JPH1: variants seen among roughly 807,000 people sequenced by gnomAD.
The protein encoded by JPH1 is junctophilin-1.
JPH1 carries 12 observed loss-of-function variants against 53.6 expected under a neutral mutation model. The observed-to-expected ratio is 0.22, with a 90% CI of 0.14 to 0.36. The LOEUF is 0.36. Among genes scored for constraint, JPH1 ranks in the 10% least tolerant of loss-of-function variants. JPH1 has a pLI of 1.00. For synonymous variants in JPH1, 375 were observed against 363.8 expected (o/e 1.03, Z -0.35); for missense variants, 808 against 905.5 (o/e 0.89, Z 1.38).
At chr8:74,308,820 G>A (rs538042511) in intron 2 of JPH1, among the ~76,000 whole-genome samples, 4 of 152,332 alleles carry the variant, frequency 2.6e-5, no homozygotes, top group African/African-American at 7.2e-5. Flanking sequence ...CAGCCAGAGG[G>A]AGCAGGGACA....
At chr8:74,284,919 G>A (rs2131423973) in intron 2 of JPH1, among the ~76,000 whole-genome samples, 1 of 151,820 alleles carries the variant, frequency 6.6e-6, no homozygotes, top group Non-Finnish European at 1.5e-5. Context: ...CTGCCTCACG[G>A]GTTCAAGTGA....
chr8:74,268,139 G>A (rs1015560015), intron 2 of JPH1, among the ~76,000 whole-genome samples: 2 of 152,056 alleles, frequency 1.3e-5, no homozygotes, highest in African/African-American at 4.8e-5. Context: ...GGATTTATAT[G>A]AAGTACTTAG....
rs1490274908 is a variant in JPH1 at position 74,320,946 on chromosome 8, C to A, written c.342G>T (p.Leu114=). 1 of 1,599,430 alleles carries A rather than the reference C, an allele frequency of 6.3e-7. No homozygotes were observed. The highest frequency in any genetic ancestry group is 2.3e-5 in the East Asian group (1 of 43,970). ...ARYEGTWSNG[L]QDGYGVETYG... ...AGGTCTCCACGCCGTACCCGTCTTG[C>A]AGCCCGTTACTCCAGGTACCCTCGT... Residue 114 remains leucine (L), a synonymous_variant, in exon 1 of 6, where the codon CTG becomes CTT. Coordinates refer to ENST00000342232, the MANE Select transcript of JPH1 (RefSeq NM_020647.4). This position sits in a 1 kb window ranked among gnomAD's most constrained non-coding sequence, Gnocchi z 4.4.
intron 2 of JPH1, among the ~76,000 whole-genome samples, chr8:74,309,678 G>T (rs1201665468): frequency 6.6e-6 from 1 of 152,180 alleles, no homozygotes; most frequent in Non-Finnish European, 1.5e-5. Flanking sequence ...AAAAATTGAC[G>T]AAATGAGAAA....
chr8:74,241,205 G>A (rs772085329), intron 4 of JPH1, among the ~76,000 whole-genome samples: 25 of 152,152 alleles, frequency 1.6e-4, no homozygotes, highest in Non-Finnish European at 3.1e-4. Context: ...AACTAGACAT[G>A]AAAGCTTCAA....
At chr8:74,245,348 A>C (rs1044008584) in intron 3 of JPH1, among the ~76,000 whole-genome samples, 173 bp from the exon 4 acceptor site, 3 of 152,206 alleles carry the variant, frequency 2.0e-5, no homozygotes, top group African/African-American at 7.2e-5. Context: ...GCTGCTTTTA[A>C]GATAATACAG....
At chr8:74,262,753 C>T (rs902948923) in intron 2 of JPH1, among the ~76,000 whole-genome samples, 10 of 152,174 alleles carry the variant, frequency 6.6e-5, no homozygotes, top group Admixed American at 6.6e-4. Flanking sequence ...TGGGTGAAGA[C>T]ACCACAGCCA....
chr8:74,291,707 G>A (rs1586761881), intron 2 of JPH1, among the ~76,000 whole-genome samples: 1 of 152,308 alleles, frequency 6.6e-6, no homozygotes, highest in Middle Eastern at 3.4e-3. Context: ...ATTGACAATA[G>A]CAAAGACTTG....
At position 74,307,894 on chromosome 8, in the gene JPH1, T is replaced by C. The variant is rs985940930; in HGVS notation, c.1139+6967A>G. Among the ~76,000 whole-genome samples the C allele has an allele frequency of 2.0e-5, 3 of 152,230 alleles. 1 individual carries two copies. The highest frequency in any genetic ancestry group is 2.0e-4 in the Admixed American group (3 of 15,278). ...AATAACTTAGCAGAGAATAGGCTTT[T>C]TTTTCTGATATTGGTAATAGTCAGT... On this transcript the variant is annotated intron_variant, in intron 2 of 5. Coordinates refer to ENST00000342232, the MANE Select transcript of JPH1 (RefSeq NM_020647.4).
chr8:74,290,391 GA>G (rs1807289065), intron 2 of JPH1, among the ~76,000 whole-genome samples: 1 of 152,128 alleles, frequency 6.6e-6, no homozygotes, highest in African/African-American at 2.4e-5. Flanking sequence ...TTGCTACAAA[GA>G]GAATAAAATA....
intron 3 of JPH1, among the ~76,000 whole-genome samples, chr8:74,258,388 T>C (rs10957705): frequency 0.047 from 7,129 of 152,290 alleles, 322 homozygotes; most frequent in East Asian, 0.12. Flanking sequence ...TAGTATATTA[T>C]AGAGAGGGGT....
intron 3 of JPH1, among the ~76,000 whole-genome samples, chr8:74,250,826 A>G (rs1409390448): frequency 6.6e-6 from 1 of 152,144 alleles, no homozygotes; most frequent in African/African-American, 2.4e-5. Context: ...TCACATTACC[A>G]AAGCTCACCA....
rs143306223 is a variant in JPH1 at position 74,301,370 on chromosome 8, T to A, written c.1139+13491A>T. ...TTTGTTTCTTATCATATCCTCCCGA[T>A]GCACTTTCCAAATTTTAGTGTGCCC... On this transcript the variant is annotated intron_variant, in intron 2 of 5. Transcript: ENST00000342232. Among the ~76,000 whole-genome samples the A allele has an allele frequency of 6.0e-3, 913 of 152,354 alleles. 34 individuals are homozygous for A. The highest frequency in any genetic ancestry group is 0.051 in the Admixed American group (786 of 15,302).
chr8:74,306,573 C>A (rs78147332), intron 2 of JPH1, among the ~76,000 whole-genome samples: 1 of 121,580 alleles, frequency 8.2e-6, no homozygotes, highest in Admixed American at 8.3e-5. Flanking sequence ...AAAAGGATAA[C>A]GTATAAAAGG....
chr8:74,310,972 C>A (rs967241099), intron 2 of JPH1, among the ~76,000 whole-genome samples: 2 of 152,172 alleles, frequency 1.3e-5, no homozygotes, highest in East Asian at 3.9e-4. Context: ...GGACGAGATG[C>A]GCTCTCTTGG....
rs539070759 is a variant in JPH1, at chr8:74,252,956, C to T, written c.1258+6429G>A. ...ACAATAATAATGGGAGACTTTAACA[C>T]CCCACTGTCAACATTAGACAGATCA... is the stretch of plus-strand genomic sequence containing the variant. On this transcript the variant is annotated intron_variant, in intron 3 of 5. Transcript: ENST00000342232. 1.1e-3 allele frequency among the ~76,000 whole-genome samples: 166 copies of T among 152,114 alleles called. 1 individual carries two copies. The highest frequency in any genetic ancestry group is 0.011 in the Admixed American group (165 of 15,276).
chr8:74,257,620 A>G (rs1001283473), intron 3 of JPH1, among the ~76,000 whole-genome samples: 9 of 152,200 alleles, frequency 5.9e-5, no homozygotes, highest in African/African-American at 2.2e-4. Flanking sequence ...GCCCTGGAAC[A>G]GCTAATTTGC....
chr8:74,314,216 C>T lies in JPH1; in HGVS notation c.1139+645G>A, dbSNP rs114166898. On this transcript the variant is annotated intron_variant, in intron 2 of 5. Transcript: ENST00000342232. ...CTAATCTCTTCTGCATAGAATGTGG[C>T]GATTCTTGTAGGTCTCTTTGCCTTT... Among the ~76,000 whole-genome samples, 1,326 of 152,292 alleles carry T rather than the reference C, an allele frequency of 8.7e-3. 23 individuals carry two copies. Among genetic ancestry groups the T allele is most frequent in the African/African-American group, 0.023 (950 of 41,556 alleles).
Position 74,245,192 on chromosome 8 carries a change from G to GAA in JPH1, c.1259-19_1259-18dup, listed in dbSNP as rs746255983. On this transcript the variant is annotated splice_polypyrimidine_tract_variant and intron_variant, in intron 3 of 5. Transcript: ENST00000342232. ...AATCAGGGCCTGGCCAAAAAAAAAA[G>GAA]AAAAAAGAAAAAAAGAAAGGAGGTA... The GAA allele has an allele frequency of 2.6e-6, 4 of 1,520,962 alleles. No individual in the cohort carries two copies. The African/African-American group carries it at 6.1e-5, about 23-fold the overall frequency. The allele number at this position is 1,520,962 out of a possible 1,614,324, so 94.2% of individuals were successfully genotyped here.
Sources: allele counts gnomAD v4.1 joint callset (sites outside exome capture counted in the v4.1 genomes callset), GRCh38; gene constraint gnomAD v4.1.1; non-coding constraint Gnocchi (gnomAD v3.1); transcripts MANE v1.5; gene names NCBI Gene and HGNC (gene_info 2026-07-23, HGNC 2026-07-21).